Variants in DPP10 observed in about 807,000 individuals in gnomAD.
DPP10 encodes inactive dipeptidyl peptidase 10.
A neutral mutation model predicts 120.9 loss-of-function variants in DPP10; 33 were observed. That is an observed-to-expected ratio of 0.27 (90% CI 0.21 to 0.37). DPP10 has a LOEUF of 0.37. DPP10 is among the 10% of genes least tolerant of loss of function. DPP10 has a pLI of 1.00. For synonymous variants in DPP10, 337 were observed against 326.1 expected (o/e 1.03, Z -0.36); for missense variants, 816 against 942.8 (o/e 0.87, Z 1.76).
Position 115,707,259 on chromosome 2 carries a change from C to T in DPP10, c.576+17338C>T, listed in dbSNP as rs531202587. Among the ~76,000 whole-genome samples the T allele has an allele frequency of 4.6e-5, 7 of 151,862 alleles. No individual in the cohort carries two copies. The East Asian group carries it at 5.8e-4, about 13-fold the overall frequency. ...ACACTATCAACCAAATTGACATAATCGACTTTTATAGAACACTATATGTGA... is the reference window on the plus strand; with the variant it reads ...ACACTATCAACCAAATTGACATAATTGACTTTTATAGAACACTATATGTGA... On this transcript the variant is annotated intron_variant, in intron 7 of 25. Coordinates refer to ENST00000410059, the MANE Select transcript of DPP10 (RefSeq NM_020868.6).
At chr2:115,403,700 G>A (rs1284531912) in intron 3 of DPP10, among the ~76,000 whole-genome samples, 1 of 152,010 alleles carries the variant, frequency 6.6e-6, no homozygotes, top group East Asian at 1.9e-4. Context: ...CACCGTGCCT[G>A]GCCACACCAC....
chr2:115,141,607 T>C (rs1261690682), intron 1 of DPP10, among the ~76,000 whole-genome samples: 1 of 152,224 alleles, frequency 6.6e-6, no homozygotes, highest in Non-Finnish European at 1.5e-5. Flanking sequence ...CTTGTTCGAC[T>C]GCATTATGTC....
At chr2:114,803,101 G>T (rs560468221) in intron 1 of DPP10, among the ~76,000 whole-genome samples, 133 of 152,230 alleles carry the variant, frequency 8.7e-4, no homozygotes, top group African/African-American at 3.2e-3. Context: ...TCTTTCCCAT[G>T]CTATTCTCAT....
At chr2:115,320,495 A>G (rs1258855244) in intron 2 of DPP10, among the ~76,000 whole-genome samples, 1 of 149,200 alleles carries the variant, frequency 6.7e-6, no homozygotes, top group African/African-American at 2.5e-5. Flanking sequence ...TTCCTCTCGA[A>G]TTTTTTTTCT....
intron 3 of DPP10, among the ~76,000 whole-genome samples, chr2:115,497,708 G>C (rs1278080557): frequency 6.6e-6 from 1 of 152,042 alleles, no homozygotes. Flanking sequence ...TCAAAGTTGA[G>C]GTTGGACTGT....
intron 1 of DPP10, among the ~76,000 whole-genome samples, chr2:115,163,234 G>A (rs189888154): frequency 8.0e-4 from 122 of 152,280 alleles, no homozygotes; most frequent in African/African-American, 2.8e-3. Context: ...TGTCCAAATC[G>A]CCCAGGAGTG....
chr2:114,468,738 G>A (rs1467080820), intron 1 of DPP10, among the ~76,000 whole-genome samples: 1 of 152,162 alleles, frequency 6.6e-6, no homozygotes, highest in Non-Finnish European at 1.5e-5. Context: ...AAGAAAAGCA[G>A]ATTTACCCAG....
chr2:115,409,649 T>A (rs1472015135), intron 3 of DPP10, among the ~76,000 whole-genome samples: 1 of 152,142 alleles, frequency 6.6e-6, no homozygotes, highest in Non-Finnish European at 1.5e-5. Flanking sequence ...GATCCAGCAA[T>A]CCCACTATTG....
At chr2:115,483,538 G>T (rs975293466) in intron 3 of DPP10, among the ~76,000 whole-genome samples, 19 of 151,690 alleles carry the variant, frequency 1.3e-4, no homozygotes, top group African/African-American at 4.1e-4. Context: ...TGTTTGGGAG[G>T]AATTCATAAT....
intron 2 of DPP10, among the ~76,000 whole-genome samples, chr2:115,327,705 AT>A (rs1324740297): frequency 2.0e-5 from 3 of 152,184 alleles, no homozygotes; most frequent in Middle Eastern, 3.4e-3. Context: ...GATAACCATC[AT>A]ATTTCGTATG....
intron 3 of DPP10, among the ~76,000 whole-genome samples, chr2:115,355,035 G>C (rs1264226651): frequency 6.6e-6 from 1 of 152,148 alleles, no homozygotes. Context: ...CTTTATAGTA[G>C]AATGATTTAT....
At chr2:114,630,330 A>G (rs1160489017) in intron 1 of DPP10, among the ~76,000 whole-genome samples, 2 of 152,178 alleles carry the variant, frequency 1.3e-5, no homozygotes, top group African/African-American at 4.8e-5. Flanking sequence ...CTGGAACTAG[A>G]AATATAGGCA....
chr2:115,723,495 G>C (rs972795855), intron 7 of DPP10, among the ~76,000 whole-genome samples: 3 of 152,076 alleles, frequency 2.0e-5, no homozygotes, highest in African/African-American at 7.2e-5. Flanking sequence ...ATTATGATGA[G>C]TTTTCATCTT....
At chr2:115,624,509 G>A (rs1384070479) in intron 5 of DPP10, among the ~76,000 whole-genome samples, 1 of 152,134 alleles carries the variant, frequency 6.6e-6, no homozygotes, top group Non-Finnish European at 1.5e-5. Context: ...CTGCTGCTAC[G>A]TGCAGCCCAT....
intron 4 of DPP10, among the ~76,000 whole-genome samples, chr2:115,501,047 A>G (rs2148794852): frequency 1.3e-5 from 2 of 152,172 alleles, no homozygotes; most frequent in South Asian, 4.1e-4. Context: ...TGGATTTTTA[A>G]TAAAATTAGT....
intron 1 of DPP10, among the ~76,000 whole-genome samples, chr2:114,644,833 A>G (rs562796156): frequency 7.9e-5 from 12 of 151,948 alleles, no homozygotes; most frequent in Non-Finnish European, 1.8e-4. Flanking sequence ...ACGTGCTACT[A>G]ACATTTATCA....
intron 5 of DPP10, among the ~76,000 whole-genome samples, chr2:115,624,563 T>G (rs2085214523): frequency 6.6e-6 from 1 of 152,224 alleles, no homozygotes; most frequent in African/African-American, 2.4e-5. Flanking sequence ...TTACCCACTT[T>G]GCTATTCAGT....
At chr2:114,841,547 G>A (rs534749033) in intron 1 of DPP10, among the ~76,000 whole-genome samples, 4 of 152,228 alleles carry the variant, frequency 2.6e-5, no homozygotes, top group South Asian at 2.1e-4. Context: ...AATGGGGAGA[G>A]ATTGAGTTTA....
intron 1 of DPP10, among the ~76,000 whole-genome samples, chr2:115,173,730 T>TGA (rs2053521415): frequency 6.6e-6 from 1 of 152,192 alleles, no homozygotes. Flanking sequence ...GTTCTGACTC[T>TGA]GAGAGTCTTA....
Sources: allele counts gnomAD v4.1 joint callset (sites outside exome capture counted in the v4.1 genomes callset), GRCh38; gene constraint gnomAD v4.1.1; transcripts MANE v1.5; gene names NCBI Gene and HGNC (gene_info 2026-07-23, HGNC 2026-07-21).